PIP4K2B: variants seen among roughly 807,000 people sequenced by gnomAD.
PIP4K2B encodes phosphatidylinositol 5-phosphate 4-kinase type-2 beta.
A neutral mutation model predicts 42.0 loss-of-function variants in PIP4K2B; 3 were observed. The ratio of observed to expected loss-of-function variants is 0.07; its 90% CI spans 0.03 to 0.18. The LOEUF is 0.18. PIP4K2B is among the 10% of genes least tolerant of loss of function. The probability of loss-of-function intolerance (pLI) is 1.00; values close to 1 mark genes in which losing one functional copy is unlikely to be tolerated. For synonymous variants in PIP4K2B, 204 were observed against 210.1 expected (o/e 0.97, Z 0.25); for missense variants, 332 against 562.3 (o/e 0.59, Z 4.14).
chr17:38,777,071 G>T (rs757433580), intron 7 of PIP4K2B, among the ~76,000 whole-genome samples: 1 of 151,800 alleles, frequency 6.6e-6, no homozygotes. Context: ...CAACTTTTTC[G>T]GTTTTTGTTT....
chr17:38,770,358 C>T, intron 9 of PIP4K2B, 78 bp downstream of exon 9: 1 of 819,142 alleles, frequency 1.2e-6, no homozygotes, highest in Non-Finnish European at 2.1e-6. Context: ...AGGCCTGAGA[C>T]TGCCCTCCCT....
chr17:38,789,201 T>C (rs146768870), intron 1 of PIP4K2B, among the ~76,000 whole-genome samples: 2 of 152,374 alleles, frequency 1.3e-5, no homozygotes, highest in African/African-American at 4.8e-5. Flanking sequence ...TGGGGCAGGA[T>C]GCCTTGCCTC....
rs1199514697 is a variant in PIP4K2B, at chr17:38,799,516, C to A, written c.-92G>T. ...CAGGCCTCCCCCGGACCGATCCCCA[C>A]CCCCGCTCCCTCACCGCGCCATGGT... On this transcript the variant is annotated 5_prime_UTR_variant, in exon 1 of 10. Coordinates refer to ENST00000619039, the MANE Select transcript of PIP4K2B (RefSeq NM_003559.5). This position sits in a 1 kb window ranked among gnomAD's most constrained non-coding sequence, Gnocchi z 4.4. 3.0e-6 allele frequency: 4 copies of A among 1,344,474 alleles called. No homozygotes were observed. Among genetic ancestry groups the A allele is most frequent in the African/African-American group, 3.1e-5 (2 of 64,788 alleles). The allele number at this position is 1,344,474 out of a possible 1,614,324, so 83.3% of individuals were successfully genotyped here. A position where few individuals can be genotyped will look rare whatever the true frequency, so the allele number is the denominator to read the frequency against.
At chr17:38,771,340 G>C (rs1225983844) in intron 7 of PIP4K2B, 68 bp from the exon 8 acceptor site, 1 of 1,524,660 alleles carries the variant, frequency 6.6e-7, no homozygotes, top group Non-Finnish European at 9.0e-7. Context: ...GTGACATCCA[G>C]AAAGGGGGGA....
At chr17:38,783,762 A>T (rs1370084634) in intron 3 of PIP4K2B, among the ~76,000 whole-genome samples, 1 of 152,038 alleles carries the variant, frequency 6.6e-6, no homozygotes, top group Admixed American at 6.5e-5. Context: ...CACCATGCCC[A>T]TCTAATTTTG....
chr17:38,777,617 T>C (rs1231919509), intron 7 of PIP4K2B, 70 bp downstream of exon 7: 1 of 998,400 alleles, frequency 1.0e-6, no homozygotes, highest in African/African-American at 1.6e-5. Flanking sequence ...CCATTCTTCT[T>C]AAGGTTTAAG....
chr17:38,795,253 TAATGGGCAAAAAGATCTTTGTA>T (rs918586278), intron 1 of PIP4K2B, among the ~76,000 whole-genome samples: 9 of 151,842 alleles, frequency 5.9e-5, no homozygotes, highest in African/African-American at 2.2e-4. Flanking sequence ...CCCAATTTAA[TAATGGGCAAAAAGATCTTTGTA>T]AATGGGCAAA....
At chr17:38,770,965 G>C (rs374116633) in intron 8 of PIP4K2B, 49 bp downstream of exon 8, 137 of 1,603,510 alleles carry the variant, frequency 8.5e-5, no homozygotes, top group Middle Eastern at 1.7e-4. Flanking sequence ...GAGCTGAGGG[G>C]GTAGGATGAG....
At chr17:38,795,665 C>T (rs1410440424) in intron 1 of PIP4K2B, among the ~76,000 whole-genome samples, 16 of 151,158 alleles carry the variant, frequency 1.1e-4, no homozygotes, top group Admixed American at 7.9e-4. Flanking sequence ...GCAGGAGAAT[C>T]GCTTGAACCA....
intron 3 of PIP4K2B, among the ~76,000 whole-genome samples, chr17:38,782,939 G>A (rs1397864179): frequency 1.3e-5 from 2 of 152,080 alleles, no homozygotes; most frequent in Admixed American, 6.5e-5. Flanking sequence ...TGTAATCCCA[G>A]CACTTTGGGA....
At chr17:38,787,457 A>C (rs1263335119) in intron 1 of PIP4K2B, among the ~76,000 whole-genome samples, 1 of 151,974 alleles carries the variant, frequency 6.6e-6, no homozygotes, top group Non-Finnish European at 1.5e-5. Context: ...GACCATCAAT[A>C]CCCTTTCCCA....
intron 5 of PIP4K2B, 131 bp downstream of exon 5, chr17:38,779,252 C>G (rs959210057): frequency 8.2e-6 from 7 of 852,492 alleles, no homozygotes; most frequent in Non-Finnish European, 1.3e-5. Context: ...TCAGGCATAT[C>G]CACTCCAGAG....
intron 1 of PIP4K2B, among the ~76,000 whole-genome samples, chr17:38,796,214 G>A (rs1236234356): frequency 1.3e-5 from 2 of 152,114 alleles, no homozygotes; most frequent in Non-Finnish European, 2.9e-5. Flanking sequence ...ACTTTAAAAA[G>A]ACAATAACAA....
chr17:38,772,696 C>G (rs760618247), intron 7 of PIP4K2B, among the ~76,000 whole-genome samples: 1 of 152,166 alleles, frequency 6.6e-6, no homozygotes, highest in Non-Finnish European at 1.5e-5. Flanking sequence ...ATTCTCCTGT[C>G]TCAGCCTCCC....
chr17:38,791,031 C>T (rs907818447), intron 1 of PIP4K2B, among the ~76,000 whole-genome samples: 1 of 151,954 alleles, frequency 6.6e-6, no homozygotes, highest in Non-Finnish European at 1.5e-5. Context: ...AAGTGTTGTA[C>T]ATGCAAAAGA....
chr17:38,787,640 C>G (rs1288914535), intron 1 of PIP4K2B, among the ~76,000 whole-genome samples: 1 of 152,196 alleles, frequency 6.6e-6, no homozygotes, highest in Non-Finnish European at 1.5e-5. Flanking sequence ...GTTGCCCAGG[C>G]TGGAGTGCAA....
chr17:38,780,646 C>A (rs757823133), intron 3 of PIP4K2B, 42 bp from the exon 4 acceptor site: 1 of 1,591,252 alleles, frequency 6.3e-7, no homozygotes, highest in Non-Finnish European at 8.6e-7. Flanking sequence ...GGCAGGGGAA[C>A]AGAATTCTGA....
At chr17:38,784,956 C>T (rs1909925872) in intron 2 of PIP4K2B, among the ~76,000 whole-genome samples, 1 of 152,150 alleles carries the variant, frequency 6.6e-6, no homozygotes, top group South Asian at 2.1e-4. Context: ...ATCAGAGGGC[C>T]CCTCTCCTCT....
chr17:38,769,049 G>A lies in PIP4K2B; in HGVS notation c.*642C>T, dbSNP rs1194145439. The A allele has an allele frequency of 6.5e-6, 1 of 152,720 alleles. No homozygotes were observed. The highest frequency in any genetic ancestry group is 1.5e-5 in the Non-Finnish European group (1 of 68,224). 9.5% of individuals were successfully genotyped at this position (152,720 alleles called of 1,614,324 possible). A position where few individuals can be genotyped will look rare whatever the true frequency, so the allele number is the denominator to read the frequency against. On this transcript the variant is annotated 3_prime_UTR_variant, in exon 10 of 10. Coordinates refer to ENST00000619039, the MANE Select transcript of PIP4K2B (RefSeq NM_003559.5). ...GACCTGGTGTATTCCAGACAGGATG[G>A]AGGAATAATGCAACAGTTTTCACTT...
Sources: allele counts gnomAD v4.1 joint callset (sites outside exome capture counted in the v4.1 genomes callset), GRCh38; gene constraint gnomAD v4.1.1; non-coding constraint Gnocchi (gnomAD v3.1); transcripts MANE v1.5; gene names NCBI Gene and HGNC (gene_info 2026-07-23, HGNC 2026-07-21).